Variants in PRKN observed in about 807,000 individuals in gnomAD.
PRKN encodes E3 ubiquitin-protein ligase parkin.
PRKN carries 56 observed loss-of-function variants against 59.5 expected under a neutral mutation model. That is an observed-to-expected ratio of 0.94 (90% confidence interval 0.76 to 1.18). The LOEUF (loss-of-function observed/expected upper bound fraction) is 1.18. Ranked by LOEUF, PRKN falls within the 50% of genes most tolerant of loss-of-function variation. The pLI is 0.00. For synonymous variants in PRKN, 250 were observed against 222.1 expected (o/e 1.13, Z -1.12); for missense variants, 657 against 596.4 (o/e 1.10, Z -1.06).
At chr6:161,734,172 C>T (rs571480919) in intron 7 of PRKN, among the ~76,000 whole-genome samples, 10 of 152,120 alleles carry the variant, frequency 6.6e-5, no homozygotes, top group Non-Finnish European at 1.2e-4. Context: ...AGTACTGTAC[C>T]TCGGTTTTCC....
intron 4 of PRKN, among the ~76,000 whole-genome samples, chr6:162,172,243 C>T (rs1468363323): frequency 6.6e-6 from 1 of 152,102 alleles, no homozygotes; most frequent in African/African-American, 2.4e-5. Flanking sequence ...CCTGGCTAGC[C>T]AGTAGGCAGA....
intron 9 of PRKN, among the ~76,000 whole-genome samples, chr6:161,431,853 T>C (rs1487955150): frequency 6.6e-6 from 1 of 152,170 alleles, no homozygotes; most frequent in South Asian, 2.1e-4. Context: ...CCTCAGGCAA[T>C]CCACACCCGC....
At position 161,357,390 on chromosome 6, in the gene PRKN, G is replaced by C. The variant is rs1455386183; in HGVS notation, c.1285+2698C>G. On this transcript the variant is annotated intron_variant, in intron 11 of 11. Coordinates refer to ENST00000366898, the MANE Select transcript of PRKN (RefSeq NM_004562.3). The surrounding 1 kb of genome is among the most constrained non-coding windows in gnomAD (Gnocchi z 5.5). ...CTTATCTTGCAAACTGCCACCACCA[G>C]AGTCTGGGCTACCGAGGAGGCCACT... Among the ~76,000 whole-genome samples, 2 of 152,136 alleles carry C rather than the reference G, an allele frequency of 1.3e-5. No individual in the cohort carries two copies. The highest frequency in any genetic ancestry group is 4.8e-5 in the African/African-American group (2 of 41,414).
At chr6:161,834,294 G>A (rs1367973222) in intron 6 of PRKN, among the ~76,000 whole-genome samples, 1 of 152,134 alleles carries the variant, frequency 6.6e-6, no homozygotes, top group Non-Finnish European at 1.5e-5. Flanking sequence ...AGGCAGTGGG[G>A]AAAAGCTCCT....
In PRKN at chr6:161,745,059, G is replaced by A. The variant is rs114393042; in HGVS notation, c.871+40713C>T. ...GTAAGCAATGGAGCAGGATTGGAAC[G>A]TAGGCAGTTTTACTCTAGAGCTCAG... On this transcript the variant is annotated intron_variant, in intron 7 of 11. Coordinates refer to ENST00000366898, the MANE Select transcript of PRKN (RefSeq NM_004562.3). Among the ~76,000 whole-genome samples the A allele has an allele frequency of 2.0e-3, 304 of 152,270 alleles. 2 individuals are homozygous for A. The highest frequency in any genetic ancestry group is 6.8e-3 in the African/African-American group (281 of 41,568).
chr6:161,710,974 C>A (rs1467905094), intron 7 of PRKN, among the ~76,000 whole-genome samples: 1 of 151,224 alleles, frequency 6.6e-6, no homozygotes, highest in African/African-American at 2.4e-5. Flanking sequence ...CTCCCTCCTA[C>A]CCTCTTTTCC....
At chr6:162,294,682 T>C (rs1287340347) in intron 2 of PRKN, among the ~76,000 whole-genome samples, 1 of 152,078 alleles carries the variant, frequency 6.6e-6, no homozygotes, top group African/African-American at 2.4e-5. Context: ...GCATCATTAT[T>C]GTATTAAGTT....
At chr6:162,425,427 C>T (rs902446842) in intron 2 of PRKN, among the ~76,000 whole-genome samples, 2 of 152,116 alleles carry the variant, frequency 1.3e-5, no homozygotes, top group Non-Finnish European at 2.9e-5. Context: ...CTAAGAACCA[C>T]AGACACAGAA....
chr6:162,422,273 C>A (rs992439199), intron 2 of PRKN, among the ~76,000 whole-genome samples: 1 of 152,144 alleles, frequency 6.6e-6, no homozygotes, highest in African/African-American at 2.4e-5. Flanking sequence ...TAATCAAATT[C>A]TTCATATAAA....
chr6:162,496,505 A>T (rs930815861), intron 1 of PRKN, among the ~76,000 whole-genome samples: 2 of 152,204 alleles, frequency 1.3e-5, no homozygotes, highest in African/African-American at 2.4e-5. Context: ...AATATCAAAT[A>T]TATAAACTTA....
rs1446596297 is a variant in PRKN at position 161,584,192 on chromosome 6, C to T, written c.872-14776G>A. ...AACCGTTTTTGCATTTCACCTTAAT[C>T]AGATCAAATTAGGACAGGTGGCAAC... On this transcript the variant is annotated intron_variant, in intron 7 of 11. Coordinates refer to ENST00000366898, the MANE Select transcript of PRKN (RefSeq NM_004562.3). The surrounding 1 kb of genome is among the most constrained non-coding windows in gnomAD (Gnocchi z 4.8). Among the ~76,000 whole-genome samples the T allele has an allele frequency of 2.0e-5, 3 of 152,162 alleles. No homozygotes were observed. Among genetic ancestry groups the T allele is most frequent in the African/African-American group, 7.2e-5 (3 of 41,446 alleles).
chr6:162,164,034 A>G (rs141933469), intron 4 of PRKN, among the ~76,000 whole-genome samples: 1,521 of 149,228 alleles, frequency 0.01, 184 homozygotes, highest in African/African-American at 0.036. Context: ...TTAAAGATGA[A>G]TAGGTTTTGT....
intron 6 of PRKN, among the ~76,000 whole-genome samples, chr6:161,820,266 A>G (rs1444371432): frequency 7.9e-5 from 12 of 152,068 alleles, no homozygotes; most frequent in Admixed American, 6.5e-4. Flanking sequence ...TAGTGGGAAT[A>G]TAAATTAGCA....
intron 6 of PRKN, among the ~76,000 whole-genome samples, chr6:161,806,560 C>T (rs552079084): frequency 1.3e-5 from 2 of 152,268 alleles, no homozygotes; most frequent in South Asian, 2.1e-4. Context: ...CAGGTCATCC[C>T]TCGAGGAGGC....
intron 4 of PRKN, among the ~76,000 whole-genome samples, chr6:162,069,198 C>G (rs1778470022): frequency 6.6e-6 from 1 of 152,094 alleles, no homozygotes; most frequent in Non-Finnish European, 1.5e-5. Context: ...TGGTCTCTCT[C>G]GTGCTATTCT....
intron 3 of PRKN, among the ~76,000 whole-genome samples, chr6:162,216,282 G>A (rs1346448872): frequency 1.3e-5 from 2 of 151,960 alleles, no homozygotes; most frequent in Non-Finnish European, 2.9e-5. Flanking sequence ...TGTAATCCCA[G>A]CACTTTGGGA....
chr6:161,840,420 G>C (rs1020703886), intron 6 of PRKN, among the ~76,000 whole-genome samples: 1 of 152,216 alleles, frequency 6.6e-6, no homozygotes, highest in Non-Finnish European at 1.5e-5. Flanking sequence ...CCACATCACA[G>C]GAGAAAAGCC....
intron 9 of PRKN, among the ~76,000 whole-genome samples, chr6:161,403,669 C>T (rs1388379972): frequency 6.6e-6 from 1 of 152,206 alleles, no homozygotes; most frequent in East Asian, 1.9e-4. Context: ...CCTAGCCCTC[C>T]TTTGCCTAGA....
At chr6:162,498,714 A>G (rs1310470103) in intron 1 of PRKN, among the ~76,000 whole-genome samples, 1 of 151,912 alleles carries the variant, frequency 6.6e-6, no homozygotes, top group African/African-American at 2.4e-5. Flanking sequence ...CCTGGAAATA[A>G]GTGTCAAAAA....
Sources: allele counts gnomAD v4.1 joint callset (sites outside exome capture counted in the v4.1 genomes callset), GRCh38; gene constraint gnomAD v4.1.1; non-coding constraint Gnocchi (gnomAD v3.1); transcripts MANE v1.5; gene names NCBI Gene and HGNC (gene_info 2026-07-23, HGNC 2026-07-21).